RPS6KC1: variants seen among roughly 807,000 people sequenced by gnomAD.
RPS6KC1 encodes the protein ribosomal protein S6 kinase C1, also known as inactive ribosomal protein S6 kinase delta-1.
A neutral mutation model predicts 103.8 loss-of-function variants in RPS6KC1; 54 were observed. The observed-to-expected ratio is 0.52, with a 90% CI of 0.42 to 0.65. The LOEUF (loss-of-function observed/expected upper bound fraction) is 0.65, where lower values mean the gene tolerates loss of function less well. Ranked by LOEUF, RPS6KC1 falls within the 30% of genes least tolerant of loss-of-function variation. RPS6KC1 has a pLI of 0.00. For synonymous variants in RPS6KC1, 439 were observed against 438.7 expected (o/e 1.00, Z -0.01); for missense variants, 1,151 against 1,253.8 (o/e 0.92, Z 1.24).
intron 1 of RPS6KC1, among the ~76,000 whole-genome samples, chr1:213,069,660 G>A (rs976620823): frequency 1.3e-5 from 2 of 152,140 alleles, no homozygotes; most frequent in Non-Finnish European, 2.9e-5. Context: ...CCATTTTAAT[G>A]TGTGTTTGAT....
At chr1:213,134,342 CCT>C (rs1165077428) in intron 6 of RPS6KC1, among the ~76,000 whole-genome samples, 1 of 151,838 alleles carries the variant, frequency 6.6e-6, no homozygotes, top group African/African-American at 2.4e-5. Context: ...TCTTCCTTCT[CCT>C]CTCCTTCCCT....
the RPS6KC1 span, among the ~76,000 whole-genome samples, chr1:213,494,900 A>C: frequency 2.6e-5 from 4 of 151,072 alleles, no homozygotes; most frequent in Non-Finnish European, 5.9e-5. Flanking sequence ...TTTAATGATA[A>C]TTTTAAAATC....
chr1:213,531,977 T>C, the RPS6KC1 span, among the ~76,000 whole-genome samples: 1 of 152,122 alleles, frequency 6.6e-6, no homozygotes. Flanking sequence ...GAGAGTGTCA[T>C]CTCCCCCTAC....
At chr1:213,112,301 C>T (rs1340553870) in intron 4 of RPS6KC1, among the ~76,000 whole-genome samples, 4 of 152,056 alleles carry the variant, frequency 2.6e-5, no homozygotes, top group Non-Finnish European at 4.4e-5. Context: ...TTGGAGCATA[C>T]ATAAAGCTAT....
chr1:213,508,417 A>G, the RPS6KC1 span, among the ~76,000 whole-genome samples: 1 of 152,190 alleles, frequency 6.6e-6, no homozygotes, highest in Non-Finnish European at 1.5e-5. Flanking sequence ...TTGAACCTTT[A>G]TTAGCTCCAT....
At chr1:213,435,383 T>C in the RPS6KC1 span, among the ~76,000 whole-genome samples, 1 of 152,224 alleles carries the variant, frequency 6.6e-6, no homozygotes, top group East Asian at 1.9e-4. Flanking sequence ...TTTTATCCTG[T>C]TTTTGCATAA....
At chr1:213,595,539 G>C in the RPS6KC1 span, among the ~76,000 whole-genome samples, 1 of 152,212 alleles carries the variant, frequency 6.6e-6, no homozygotes, top group Non-Finnish European at 1.5e-5. Flanking sequence ...AGGCACACAG[G>C]TGTCCCCTTC....
the RPS6KC1 span, among the ~76,000 whole-genome samples, chr1:213,813,027 C>T: frequency 5.9e-5 from 9 of 152,108 alleles, no homozygotes; most frequent in South Asian, 8.3e-4. Context: ...CTGAGAAGGG[C>T]GGATCACGAG....
intron 4 of RPS6KC1, among the ~76,000 whole-genome samples, chr1:213,117,064 T>G (rs1036508382): frequency 6.6e-6 from 1 of 152,212 alleles, no homozygotes; most frequent in Non-Finnish European, 1.5e-5. Context: ...GTACAGAGTT[T>G]TCTCATATAT....
chr1:213,283,643 A>T, the RPS6KC1 span, among the ~76,000 whole-genome samples: 9 of 152,108 alleles, frequency 5.9e-5, no homozygotes, highest in Admixed American at 5.9e-4. Context: ...GATAGGGGGG[A>T]TTAGAGGGCT....
intron 14 of RPS6KC1, among the ~76,000 whole-genome samples, chr1:213,264,099 A>G (rs185155260): frequency 1.4e-3 from 211 of 152,314 alleles, no homozygotes; most frequent in African/African-American, 3.9e-3. Context: ...GGGTTTTCTT[A>G]TGGGGTTCTA....
At chr1:213,557,818 C>G in the RPS6KC1 span, among the ~76,000 whole-genome samples, 2 of 151,904 alleles carry the variant, frequency 1.3e-5, no homozygotes, top group South Asian at 2.1e-4. Flanking sequence ...CTTCCCACTG[C>G]ATCCATCAGA....
the RPS6KC1 span, among the ~76,000 whole-genome samples, chr1:213,661,536 T>A: frequency 6.6e-6 from 1 of 152,164 alleles, no homozygotes; most frequent in East Asian, 1.9e-4. Flanking sequence ...ATGGTAAAGG[T>A]CAGTCTGAAT....
intron 10 of RPS6KC1, among the ~76,000 whole-genome samples, chr1:213,235,303 A>G (rs555386876): frequency 3.9e-4 from 60 of 152,346 alleles, no homozygotes; most frequent in Admixed American, 3.8e-3. Flanking sequence ...CTAATTTGGC[A>G]GTGAACAAAA....
Position 213,155,523 on chromosome 1 carries a change from T to C in RPS6KC1, c.836-12335T>C, listed in dbSNP as rs570335128. Among the ~76,000 whole-genome samples the C allele has an allele frequency of 2.6e-5, 4 of 152,264 alleles. No individual in the cohort carries two copies. The South Asian group carries it at 8.3e-4, about 32-fold the overall frequency. On this transcript the variant is annotated intron_variant, in intron 6 of 14. Coordinates refer to ENST00000366960, the MANE Select transcript of RPS6KC1 (RefSeq NM_012424.6). ...CTGAGTTTGGTCCAGTTTTCCTTTT[T>C]GCTCTAACAGGACAGCAGTTGCTGT...
chr1:213,380,977 G>A, the RPS6KC1 span, among the ~76,000 whole-genome samples: 1 of 152,174 alleles, frequency 6.6e-6, no homozygotes, highest in Admixed American at 6.5e-5. Flanking sequence ...ACCAAACAAG[G>A]ATGCCTGGCT....
the RPS6KC1 span, among the ~76,000 whole-genome samples, chr1:213,842,923 G>A: frequency 1.3e-5 from 2 of 152,180 alleles, no homozygotes; most frequent in Non-Finnish European, 2.9e-5. Flanking sequence ...GGGTTCTCCA[G>A]ATAAACAGCT....
At chr1:213,368,294 G>A in the RPS6KC1 span, among the ~76,000 whole-genome samples, 8 of 152,194 alleles carry the variant, frequency 5.3e-5, no homozygotes, top group African/African-American at 1.9e-4. Context: ...GTTTTATGCT[G>A]TAGGGGTTTC....
At chr1:213,719,159 G>A in the RPS6KC1 span, among the ~76,000 whole-genome samples, 11 of 152,298 alleles carry the variant, frequency 7.2e-5, no homozygotes, top group Admixed American at 2.0e-4. Flanking sequence ...TAAACTGGCA[G>A]GAGCCAAGTC....
Sources: allele counts gnomAD v4.1 joint callset (sites outside exome capture counted in the v4.1 genomes callset), GRCh38; gene constraint gnomAD v4.1.1; transcripts MANE v1.5; gene names NCBI Gene and HGNC (gene_info 2026-07-23, HGNC 2026-07-21).